The following ATP2A2 variants were observed in gnomAD, a reference collection of about 807,000 sequenced individuals.
ATP2A2 encodes ATPase sarcoplasmic/endoplasmic reticulum Ca2+ transporting 2.
ATP2A2 carries 14 observed loss-of-function variants against 109.3 expected under a neutral mutation model. That is an observed-to-expected ratio of 0.13 (90% CI 0.08 to 0.20). The LOEUF (loss-of-function observed/expected upper bound fraction) is 0.20. ATP2A2 is among the 10% of genes least tolerant of loss of function. The pLI, the probability that ATP2A2 is intolerant of heterozygous loss-of-function variation, is 1.00. For synonymous variants in ATP2A2, 506 were observed against 490.9 expected (o/e 1.03, Z -0.41); for missense variants, 657 against 1,321.6 (o/e 0.50, Z 7.80).
rs970871195 is a variant in ATP2A2, at chr12:110,281,592, C to A, written c.-198C>A. ...CAACCCGCCCTGCGGAGCTCGGGGCCGCGCGAGGGGCGGTTGTCTGGGGGA... is the reference window on the plus strand; with the variant it reads ...CAACCCGCCCTGCGGAGCTCGGGGCAGCGCGAGGGGCGGTTGTCTGGGGGA... On this transcript the variant is annotated 5_prime_UTR_variant, in exon 1 of 20. Coordinates refer to ENST00000539276, the MANE Select transcript of ATP2A2 (RefSeq NM_170665.4). The A allele has an allele frequency of 5.9e-5, 21 of 357,350 alleles. No homozygotes were observed. The highest frequency in any genetic ancestry group is 1.0e-4 in the Non-Finnish European group (20 of 198,690). The allele number at this position is 357,350 out of a possible 1,614,324, so 22.1% of individuals were successfully genotyped here. A position where few individuals can be genotyped will look rare whatever the true frequency, so the allele number is the denominator to read the frequency against.
chr12:110,328,382 C>T (rs776649577), intron 8 of ATP2A2, among the ~76,000 whole-genome samples: 3 of 151,818 alleles, frequency 2.0e-5, no homozygotes, highest in African/African-American at 4.8e-5. Context: ...ACCAACCTGA[C>T]CAAAATGGTG....
intron 5 of ATP2A2, among the ~76,000 whole-genome samples, chr12:110,297,111 C>T (rs1874040616): frequency 6.6e-6 from 1 of 152,102 alleles, no homozygotes; most frequent in Admixed American, 6.6e-5. Context: ...TTCTTGGCAC[C>T]AAAGTTCATG....
rs977557667 is a variant in ATP2A2, at chr12:110,349,563, G to A, written c.*3093G>A. The A allele has an allele frequency of 1.3e-5, 13 of 986,260 alleles. No individual in the cohort carries two copies. The East Asian group carries it at 4.5e-4, about 34-fold the overall frequency. 61.1% of individuals were successfully genotyped at this position (986,260 alleles called of 1,614,324 possible). On this transcript the variant is annotated 3_prime_UTR_variant, in exon 20 of 20. Transcript: ENST00000539276. ...TCCCAGGCAAGCAGGGCATCTGGCCGACTTCCCTCACAACAGCTGCTCCCA... is the reference window on the plus strand; with the variant it reads ...TCCCAGGCAAGCAGGGCATCTGGCCAACTTCCCTCACAACAGCTGCTCCCA...
rs2137883708 is a variant in ATP2A2, at chr12:110,348,712, C to T, written c.*2242C>T. On this transcript the variant is annotated 3_prime_UTR_variant, in exon 20 of 20. Coordinates refer to ENST00000539276, the MANE Select transcript of ATP2A2 (RefSeq NM_170665.4). ...GAGTGAGGCCCTGTCAAAAAAAAAT[C>T]AGCCTTACTGTGAAGCCTCCAAGGC... is the stretch of plus-strand genomic sequence containing the variant. 1 of 985,410 alleles carries T rather than the reference C, an allele frequency of 1.0e-6. No homozygotes were observed. 61.0% of individuals were successfully genotyped at this position (985,410 alleles called of 1,614,324 possible).
chr12:110,324,273 A>G (rs1312662961), intron 6 of ATP2A2, among the ~76,000 whole-genome samples: 1 of 151,964 alleles, frequency 6.6e-6, no homozygotes, highest in Non-Finnish European at 1.5e-5. Flanking sequence ...TTTTTTTGGT[A>G]TTGTTTCTTT....
rs764912407 is a variant in ATP2A2, at chr12:110,342,215, C to T, written c.2098-13C>T. On this transcript the variant is annotated splice_polypyrimidine_tract_variant and intron_variant, in intron 14 of 19. Transcript: ENST00000539276. The surrounding 1 kb of genome is among the most constrained non-coding windows in gnomAD (Gnocchi z 4.6). ...TGCCAGTTGGCTGACCCAACCATTG[C>T]TTTCCCTTTCAGACTGGCGATGGCG... 25 of 1,614,112 alleles carry T rather than the reference C, an allele frequency of 1.5e-5. No individual in the cohort carries two copies. Among genetic ancestry groups the T allele is most frequent in the Non-Finnish European group, 2.0e-5 (24 of 1,180,046 alleles).
chr12:110,294,322 T>C (rs2137713169), intron 4 of ATP2A2, among the ~76,000 whole-genome samples: 1 of 152,112 alleles, frequency 6.6e-6, no homozygotes, highest in East Asian at 1.9e-4. Context: ...GGATTACAAG[T>C]GTGAGCCACT....
intron 5 of ATP2A2, among the ~76,000 whole-genome samples, chr12:110,317,679 G>C (rs149279614): frequency 0.028 from 4,218 of 152,138 alleles, 87 homozygotes; most frequent in Middle Eastern, 0.082. Flanking sequence ...TGCCCGGCTT[G>C]AATAATGGTA....
At position 110,340,623 on chromosome 12, in the gene ATP2A2, T is replaced by G. The variant is rs2137855241; in HGVS notation, c.1762-36T>G. 1.9e-6 allele frequency: 3 copies of G among 1,607,758 alleles called. No individual in the cohort carries two copies. The highest frequency in any genetic ancestry group is 2.2e-5 in the South Asian group (2 of 90,878). On this transcript the variant is annotated intron_variant, in intron 13 of 19. Transcript: ENST00000539276. This position sits in a 1 kb window ranked among gnomAD's most constrained non-coding sequence, Gnocchi z 6.0. Reference sequence around the variant, plus strand: ...CAAACTAGGGGACAAAAACTAGAACTTGCCACTTTTATTTAAAGTGATGCT... The same window carrying G: ...CAAACTAGGGGACAAAAACTAGAACGTGCCACTTTTATTTAAAGTGATGCT...
chr12:110,326,324 T>G, intron 6 of ATP2A2, 66 bp from the exon 7 acceptor site: 25 of 1,430,944 alleles, frequency 1.7e-5, no homozygotes, highest in Non-Finnish European at 2.3e-5. Flanking sequence ...TGGGCATGAA[T>G]GAGAGGTTCT....
intron 18 of ATP2A2, 72 bp from the exon 19 acceptor site, chr12:110,345,929 C>A: frequency 6.9e-7 from 1 of 1,446,974 alleles, no homozygotes; most frequent in Non-Finnish European, 9.7e-7. Flanking sequence ...TGTAGTCCAA[C>A]AGGGTCTTAC....
chr12:110,303,773 C>T (rs746231641), intron 5 of ATP2A2, among the ~76,000 whole-genome samples: 29 of 151,760 alleles, frequency 1.9e-4, no homozygotes, highest in Non-Finnish European at 3.8e-4. Flanking sequence ...GTTGGCCCGG[C>T]AAGTCTTGAA....
chr12:110,317,157 C>T (rs1876754041), intron 5 of ATP2A2, among the ~76,000 whole-genome samples: 1 of 152,122 alleles, frequency 6.6e-6, no homozygotes, highest in African/African-American at 2.4e-5. Flanking sequence ...AAATTGGAAA[C>T]ACGGTGAAAA....
At chr12:110,311,068 A>G (rs1249604639) in intron 5 of ATP2A2, among the ~76,000 whole-genome samples, 3 of 152,226 alleles carry the variant, frequency 2.0e-5, no homozygotes, top group Non-Finnish European at 2.9e-5. Context: ...TGTGATTTAG[A>G]TAGTATGGCC....
chr12:110,326,277 T>G, intron 6 of ATP2A2, 113 bp from the exon 7 acceptor site: 1 of 1,029,190 alleles, frequency 9.7e-7, no homozygotes, highest in Non-Finnish European at 1.5e-6. Flanking sequence ...TTGCCAACCT[T>G]TTCTCACACT....
intron 5 of ATP2A2, among the ~76,000 whole-genome samples, chr12:110,298,066 T>C (rs970278506): frequency 1.3e-5 from 2 of 152,232 alleles, no homozygotes; most frequent in East Asian, 1.9e-4. Flanking sequence ...CTATTTACTT[T>C]GTTGCTATTT....
chr12:110,342,856 A>G lies in ATP2A2; in HGVS notation c.2319-376A>G, dbSNP rs990313337. Among the ~76,000 whole-genome samples, 1 of 152,068 alleles carries G rather than the reference A, an allele frequency of 6.6e-6. No individual in the cohort carries two copies. Among genetic ancestry groups the G allele is most frequent in the African/African-American group, 2.4e-5 (1 of 41,394 alleles). On this transcript the variant is annotated intron_variant, in intron 15 of 19. Coordinates refer to ENST00000539276, the MANE Select transcript of ATP2A2 (RefSeq NM_170665.4). The surrounding 1 kb of genome is among the most constrained non-coding windows in gnomAD (Gnocchi z 4.6). ...CTGTCCCCTCCACCTCCTGGGTTCA[A>G]GCCTCCCGAACAGCTGGGATTACAG...
rs760059312 is a variant in ATP2A2, at chr12:110,281,752, C to T, written c.-38C>T. The T allele has an allele frequency of 2.9e-5, 41 of 1,422,652 alleles. No homozygotes were observed. In the East Asian group the frequency reaches 1.2e-3, roughly 43 times the overall value. 88.1% of individuals were successfully genotyped at this position (1,422,652 alleles called of 1,614,324 possible). A position where few individuals can be genotyped will look rare whatever the true frequency, so the allele number is the denominator to read the frequency against. ...GTGCGAGGCGGAGGCGAGGAGGCCGCGGGGACGGGAGGCGAGGCCGGCCGG... is the reference window on the plus strand; with the variant it reads ...GTGCGAGGCGGAGGCGAGGAGGCCGTGGGGACGGGAGGCGAGGCCGGCCGG... On this transcript the variant is annotated 5_prime_UTR_variant, in exon 1 of 20. Coordinates refer to ENST00000539276, the MANE Select transcript of ATP2A2 (RefSeq NM_170665.4).
chr12:110,331,687 A>ACT (rs1487377719), intron 8 of ATP2A2: 2 of 152,162 alleles, frequency 1.3e-5, no homozygotes, highest in Non-Finnish European at 2.9e-5. Flanking sequence ...CCCCTTAGAG[A>ACT]ATGATTTGAT....
Sources: gnomAD v4.1 joint callset for allele counts (sites outside exome capture counted in the v4.1 genomes callset) on GRCh38, gnomAD v4.1.1 for gene constraint, Gnocchi (gnomAD v3.1) non-coding constraint, MANE v1.5 for transcripts, NCBI Gene and HGNC (gene_info 2026-07-23, HGNC 2026-07-21) for gene names.